Variants in CCDC85A observed in about 807,000 individuals in gnomAD.
The protein encoded by CCDC85A is coiled-coil domain-containing protein 85A.
A neutral mutation model predicts 50.2 loss-of-function variants in CCDC85A; 38 were observed. That is an observed-to-expected ratio of 0.76 (90% CI 0.58 to 0.99). The LOEUF (loss-of-function observed/expected upper bound fraction) is 0.99, where lower values mean the gene tolerates loss of function less well. CCDC85A is among the 50% of genes least tolerant of loss of function. The pLI is 0.00. For missense variants in CCDC85A, 820 were observed against 742.0 expected (o/e 1.11, Z -1.22); for synonymous variants, 366 against 301.4 (o/e 1.21, Z -2.22).
chr2:56,344,832 G>GA (rs1019410460), intron 3 of CCDC85A, among the ~76,000 whole-genome samples: 10 of 150,720 alleles, frequency 6.6e-5, no homozygotes, highest in African/African-American at 2.4e-4. Flanking sequence ...AAAAGAAATA[G>GA]AAAAAAAATC....
At chr2:56,364,524 A>G (rs901019693) in intron 3 of CCDC85A, among the ~76,000 whole-genome samples, 7 of 152,200 alleles carry the variant, frequency 4.6e-5, no homozygotes, top group Non-Finnish European at 8.8e-5. Context: ...CTTATTTCAC[A>G]TGTCAGGAGA....
chr2:56,240,394 G>A (rs1408935178), intron 2 of CCDC85A, among the ~76,000 whole-genome samples: 1 of 152,014 alleles, frequency 6.6e-6, no homozygotes, highest in Non-Finnish European at 1.5e-5. Flanking sequence ...CAGCACTCTC[G>A]AGCCACCTGC....
intron 2 of CCDC85A, among the ~76,000 whole-genome samples, chr2:56,289,959 C>G (rs570157123): frequency 6.6e-6 from 1 of 152,106 alleles, no homozygotes; most frequent in South Asian, 2.1e-4. Context: ...TGGTACTAGG[C>G]TATGGGTCAA....
At chr2:56,321,563 T>A (rs1405388794) in intron 2 of CCDC85A, among the ~76,000 whole-genome samples, 1 of 152,020 alleles carries the variant, frequency 6.6e-6, no homozygotes, top group Non-Finnish European at 1.5e-5. Context: ...GAGAATACAA[T>A]ACCTAGGAAT....
chr2:56,302,931 G>A (rs1220018335), intron 2 of CCDC85A, among the ~76,000 whole-genome samples: 1 of 152,092 alleles, frequency 6.6e-6, no homozygotes, highest in Non-Finnish European at 1.5e-5. Flanking sequence ...CTTCATTAGG[G>A]CATTTTAGCT....
intron 2 of CCDC85A, among the ~76,000 whole-genome samples, chr2:56,285,504 TATA>T (rs1671401705): frequency 6.9e-6 from 1 of 145,938 alleles, no homozygotes; most frequent in Non-Finnish European, 1.5e-5. Flanking sequence ...ATAATATTAT[TATA>T]GTATATTATA....
intron 2 of CCDC85A, among the ~76,000 whole-genome samples, chr2:56,331,993 C>T (rs952983637): frequency 1.7e-4 from 26 of 152,272 alleles, no homozygotes; most frequent in Admixed American, 1.2e-3. Context: ...CATTCAGTGT[C>T]GGACACCTGC....
chr2:56,204,136 A>G (rs1375018628), intron 2 of CCDC85A, among the ~76,000 whole-genome samples: 1 of 152,234 alleles, frequency 6.6e-6, no homozygotes. Flanking sequence ...GGAATTGCCA[A>G]CTTTTTACTT....
At chr2:56,343,010 T>G in intron 3 of CCDC85A, 55 bp downstream of exon 3, 1 of 1,212,988 alleles carries the variant, frequency 8.2e-7, no homozygotes, top group Non-Finnish European at 1.2e-6. Context: ...TTGTAGTATT[T>G]TATTTGGAAT....
At chr2:56,272,867 A>G (rs757437673) in intron 2 of CCDC85A, among the ~76,000 whole-genome samples, 8 of 152,190 alleles carry the variant, frequency 5.3e-5, no homozygotes, top group Non-Finnish European at 8.8e-5. Context: ...GTAAATGTGA[A>G]TAGGCAGGCC....
rs372743768 is a variant in CCDC85A at position 56,299,917 on chromosome 2, A to G, written c.1241-42962A>G. On this transcript the variant is annotated intron_variant, in intron 2 of 5. Coordinates refer to ENST00000407595, the MANE Select transcript of CCDC85A (RefSeq NM_001080433.2). ...AGTTTTTACCAAGTAAAACTATAAG[A>G]AGTGAGCAGCTGTGCAGGTAACATG... Among the ~76,000 whole-genome samples the G allele has an allele frequency of 4.6e-5, 7 of 152,264 alleles. No individual in the cohort carries two copies. The East Asian group carries it at 1.4e-3, about 29-fold the overall frequency.
At chr2:56,377,238 T>C (rs1478801929) in intron 5 of CCDC85A, among the ~76,000 whole-genome samples, 4 of 152,226 alleles carry the variant, frequency 2.6e-5, no homozygotes, top group Admixed American at 6.5e-5. Context: ...GAGGGGGCAC[T>C]GCTTTGCCTC....
At chr2:56,318,923 G>A (rs1003077683) in intron 2 of CCDC85A, among the ~76,000 whole-genome samples, 1 of 152,080 alleles carries the variant, frequency 6.6e-6, no homozygotes, top group African/African-American at 2.4e-5. Context: ...GAAAGCCAAG[G>A]ACAGGAAGCT....
At chr2:56,288,066 C>A (rs1671527050) in intron 2 of CCDC85A, among the ~76,000 whole-genome samples, 1 of 152,122 alleles carries the variant, frequency 6.6e-6, no homozygotes, top group South Asian at 2.1e-4. Flanking sequence ...CACCCCTGAA[C>A]CCATATCTTG....
intron 1 of CCDC85A, among the ~76,000 whole-genome samples, chr2:56,190,977 C>T (rs1305531973): frequency 1.3e-5 from 2 of 152,166 alleles, no homozygotes; most frequent in Non-Finnish European, 2.9e-5. Context: ...TATTCTAGGC[C>T]CTGATGCCTC....
chr2:56,242,997 C>A (rs942255857), intron 2 of CCDC85A, among the ~76,000 whole-genome samples: 4 of 152,082 alleles, frequency 2.6e-5, no homozygotes, highest in Admixed American at 1.3e-4. Context: ...TTTCCCAGCA[C>A]AATTTATTGA....
chr2:56,272,493 A>G (rs986432622), intron 2 of CCDC85A, among the ~76,000 whole-genome samples: 7 of 152,200 alleles, frequency 4.6e-5, no homozygotes, highest in Non-Finnish European at 7.3e-5. Flanking sequence ...TAACATGGTC[A>G]TGTGATATTC....
At chr2:56,243,927 A>G (rs1418194031) in intron 2 of CCDC85A, among the ~76,000 whole-genome samples, 1 of 152,236 alleles carries the variant, frequency 6.6e-6, no homozygotes, top group Non-Finnish European at 1.5e-5. Flanking sequence ...GATAAGTTCT[A>G]GAATAATTCT....
At chr2:56,277,524 T>G (rs991221106) in intron 2 of CCDC85A, among the ~76,000 whole-genome samples, 6 of 152,226 alleles carry the variant, frequency 3.9e-5, no homozygotes, top group Non-Finnish European at 8.8e-5. Context: ...AAAAACCACA[T>G]GACTTGTTTA....
Sources: gnomAD v4.1 joint callset for allele counts (sites outside exome capture counted in the v4.1 genomes callset) on GRCh38, gnomAD v4.1.1 for gene constraint, MANE v1.5 for transcripts, NCBI Gene and HGNC (gene_info 2026-07-23, HGNC 2026-07-21) for gene names.